ARHGAP10: variants seen among roughly 807,000 people sequenced by gnomAD.
ARHGAP10 encodes the protein rho GTPase-activating protein 10.
Under a neutral mutation model 108.6 loss-of-function variants are expected in ARHGAP10, and 87 were observed. The ratio of observed to expected loss-of-function variants is 0.80; its 90% CI spans 0.67 to 0.96. The LOEUF is 0.96. Ranked by LOEUF, ARHGAP10 falls within the 40% of genes least tolerant of loss-of-function variation. ARHGAP10 has a pLI of 0.00. For missense variants in ARHGAP10, 939 were observed against 954.5 expected (o/e 0.98, Z 0.21); for synonymous variants, 347 against 341.1 (o/e 1.02, Z -0.19).
chr4:147,788,172 C>G (rs569503860), intron 1 of ARHGAP10, among the ~76,000 whole-genome samples: 127 of 152,148 alleles, frequency 8.3e-4, no homozygotes, highest in African/African-American at 2.9e-3. Flanking sequence ...AAGGGCCAGG[C>G]ATGGTGGCTT....
chr4:148,031,022 G>A (rs1728126664), intron 19 of ARHGAP10, among the ~76,000 whole-genome samples: 2 of 152,070 alleles, frequency 1.3e-5, no homozygotes, highest in Admixed American at 1.3e-4. Context: ...TTATACCACT[G>A]CACTCCAGCC....
chr4:147,870,423 A>C (rs1317916805), intron 7 of ARHGAP10, among the ~76,000 whole-genome samples: 1 of 152,176 alleles, frequency 6.6e-6, no homozygotes, highest in African/African-American at 2.4e-5. Flanking sequence ...AACATCATAA[A>C]TATTTTGGTC....
chr4:147,814,295 T>C (rs1005235527), intron 1 of ARHGAP10, among the ~76,000 whole-genome samples: 6 of 152,272 alleles, frequency 3.9e-5, no homozygotes, highest in African/African-American at 1.4e-4. Context: ...ATGCATCTTT[T>C]TTTTTTTTTC....
intron 10 of ARHGAP10, among the ~76,000 whole-genome samples, chr4:147,887,707 C>G (rs1463335174): frequency 1.3e-5 from 2 of 151,744 alleles, no homozygotes; most frequent in Non-Finnish European, 2.9e-5. Flanking sequence ...ACTAAAAATA[C>G]AAAAATTAGC....
chr4:147,974,861 G>T (rs1332495417), intron 18 of ARHGAP10, among the ~76,000 whole-genome samples: 1 of 152,174 alleles, frequency 6.6e-6, no homozygotes, highest in Non-Finnish European at 1.5e-5. Context: ...GCAGACAAGA[G>T]AACTTGTGCA....
At chr4:147,827,113 A>G (rs1732738391) in intron 3 of ARHGAP10, among the ~76,000 whole-genome samples, 2 of 152,162 alleles carry the variant, frequency 1.3e-5, no homozygotes, top group Non-Finnish European at 2.9e-5. Flanking sequence ...TAAAAGTTGA[A>G]AAGTTGGATT....
intron 20 of ARHGAP10, among the ~76,000 whole-genome samples, chr4:148,049,834 GGGGGGC>G (rs1274876556): frequency 2.3e-4 from 18 of 78,548 alleles, no homozygotes; most frequent in African/African-American, 1.4e-3. Context: ...TTTTTGGGTG[GGGGGGC>G]GGGGGGCGGG....
At chr4:147,776,561 G>T (rs1262647823) in intron 1 of ARHGAP10, among the ~76,000 whole-genome samples, 1 of 152,186 alleles carries the variant, frequency 6.6e-6, no homozygotes, top group African/African-American at 2.4e-5. Context: ...TCAATGTGAA[G>T]CATATTTCTC....
At chr4:147,882,910 T>A (rs1478956271) in intron 10 of ARHGAP10, among the ~76,000 whole-genome samples, 3 of 152,202 alleles carry the variant, frequency 2.0e-5, no homozygotes, top group African/African-American at 4.8e-5. Flanking sequence ...CAGCCCTGGT[T>A]TTGGCAGTGA....
At chr4:147,763,866 T>A (rs1325517069) in intron 1 of ARHGAP10, among the ~76,000 whole-genome samples, 1 of 151,608 alleles carries the variant, frequency 6.6e-6, no homozygotes, top group Non-Finnish European at 1.5e-5. Context: ...GTGATTCTTG[T>A]GCCTCAGCCT....
intron 12 of ARHGAP10, among the ~76,000 whole-genome samples, chr4:147,912,645 CTTTTTTTTTTTTT>C: frequency 2.8e-5 from 1 of 35,314 alleles, no homozygotes; most frequent in East Asian, 1.3e-3. Context: ...TAGCCTTAAG[CTTTTTTTTTTTTT>C]TTTTTTTTTT....
Position 147,873,725 on chromosome 4 carries a change from C to G in ARHGAP10, c.703-1296C>G, listed in dbSNP as rs1437898631. Among the ~76,000 whole-genome samples, 20 of 148,734 alleles carry G rather than the reference C, an allele frequency of 1.3e-4. 2 individuals carry two copies. Among genetic ancestry groups the G allele is most frequent in the Admixed American group, 1.3e-3 (20 of 14,956 alleles). The stretch of plus-strand genomic sequence containing the variant: ...ACACACACACACACACACACACACT[C>G]TTGGCCTGGTGTAGTGGTGTGCGCC... On this transcript the variant is annotated intron_variant, in intron 7 of 22. Transcript: ENST00000336498.
At chr4:147,941,931 A>G (rs1255894179) in intron 14 of ARHGAP10, among the ~76,000 whole-genome samples, 1 of 151,906 alleles carries the variant, frequency 6.6e-6, no homozygotes, top group Non-Finnish European at 1.5e-5. Context: ...TTCCCTTCAT[A>G]TTGAACACTG....
rs571027459 is a variant in ARHGAP10 at position 147,847,595 on chromosome 4, C to T, written c.384+373C>T. On this transcript the variant is annotated intron_variant, in intron 4 of 22. Coordinates refer to ENST00000336498, the MANE Select transcript of ARHGAP10 (RefSeq NM_024605.4). ...TTACAGTAGGGTTTAAGATTATAGACGCTGCCACACTGTGATGCCGTTGAA... is the reference window on the plus strand; with the variant it reads ...TTACAGTAGGGTTTAAGATTATAGATGCTGCCACACTGTGATGCCGTTGAA... Among the ~76,000 whole-genome samples, 8 of 152,238 alleles carry T rather than the reference C, an allele frequency of 5.3e-5. No individual in the cohort carries two copies. In the South Asian group the frequency reaches 1.2e-3, roughly 24 times the overall value.
rs377492282 is a variant in ARHGAP10, at chr4:147,842,095, G to A, written c.313-5056G>A. Among the ~76,000 whole-genome samples, 38 of 152,102 alleles carry A rather than the reference G, an allele frequency of 2.5e-4. No homozygotes were observed. The South Asian group carries it at 7.5e-3, about 30-fold the overall frequency. On this transcript the variant is annotated intron_variant, in intron 3 of 22. Transcript: ENST00000336498. ...ATTACAGGTGCCTGCCACCATGCCCGGCTAATTTTGTTGTATTTTTAGTAG... is the reference window on the plus strand; with the variant it reads ...ATTACAGGTGCCTGCCACCATGCCCAGCTAATTTTGTTGTATTTTTAGTAG...
intron 1 of ARHGAP10, among the ~76,000 whole-genome samples, chr4:147,807,849 A>AC (rs1448451235): frequency 5.3e-5 from 8 of 152,224 alleles, no homozygotes; most frequent in Non-Finnish European, 1.0e-4. Context: ...GTGTCCTTTG[A>AC]ACTGGAGCCT....
intron 1 of ARHGAP10, among the ~76,000 whole-genome samples, chr4:147,771,656 G>A (rs746863480): frequency 3.9e-5 from 6 of 152,090 alleles, no homozygotes; most frequent in African/African-American, 9.7e-5. Context: ...TTGCTAGAGC[G>A]GGGTAGAATC....
chr4:148,016,212 G>C (rs1207300507), intron 18 of ARHGAP10, among the ~76,000 whole-genome samples: 1 of 152,124 alleles, frequency 6.6e-6, no homozygotes, highest in Non-Finnish European at 1.5e-5. Context: ...TTTTAAAAAA[G>C]AATTACTGGA....
intron 6 of ARHGAP10, 38 bp from the exon 7 acceptor site, chr4:147,866,674 T>G (rs1734577896): frequency 6.7e-7 from 1 of 1,491,562 alleles, no homozygotes; most frequent in Non-Finnish European, 9.2e-7. Flanking sequence ...TCTCCTGAGT[T>G]TTTTTGTGCT....
Sources: gnomAD v4.1 joint callset for allele counts (sites outside exome capture counted in the v4.1 genomes callset) on GRCh38, gnomAD v4.1.1 for gene constraint, MANE v1.5 for transcripts, NCBI Gene and HGNC (gene_info 2026-07-23, HGNC 2026-07-21) for gene names.